The following SLC41A3 variants were observed in gnomAD, a reference collection of about 807,000 sequenced individuals.
The protein encoded by SLC41A3 is SLC41A1-like 2.
A neutral mutation model predicts 45.4 loss-of-function variants in SLC41A3; 44 were observed. The observed-to-expected ratio is 0.97, with a 90% confidence interval of 0.76 to 1.25. SLC41A3 has a LOEUF of 1.25. Ranked by LOEUF, SLC41A3 falls within the 50% of genes most tolerant of loss-of-function variation. The probability of loss-of-function intolerance (pLI) is 0.00; values close to 1 mark genes in which losing one functional copy is unlikely to be tolerated. For synonymous variants in SLC41A3, 256 were observed against 252.4 expected (o/e 1.01, Z -0.13); for missense variants, 550 against 600.6 (o/e 0.92, Z 0.88).
Position 126,015,536 on chromosome 3 carries a change from G to T in SLC41A3, c.928C>A (p.Gln310Lys), listed in dbSNP as rs1262796573. ...AATATCGCCATGCCTTTGTACTGCT[G>T]TTTAGAAACGGTTTTGCTCAAGATG... Reference protein sequence around the residue: ...GLILSKTVSKQQYKGMAIFTP... With the variant: ...GLILSKTVSKKQYKGMAIFTP... The change falls in exon 8 of 11, where the codon CAG (glutamine) becomes AAG (lysine). Residue 310 changes from glutamine (Q) to lysine (K), a missense_variant. Coordinates refer to ENST00000360370, the MANE Select transcript of SLC41A3 (RefSeq NM_017836.4). 1 of 1,614,122 alleles carries T rather than the reference G, an allele frequency of 6.2e-7. No homozygotes were observed. Among genetic ancestry groups the T allele is most frequent in the Non-Finnish European group, 8.5e-7 (1 of 1,180,052 alleles).
intron 1 of SLC41A3, among the ~76,000 whole-genome samples, chr3:126,069,161 T>C (rs1279438812): frequency 6.6e-6 from 1 of 151,300 alleles, no homozygotes. Flanking sequence ...CACCAATGGA[T>C]AGTGCCACAC....
intron 3 of SLC41A3, among the ~76,000 whole-genome samples, chr3:126,037,266 T>TC (rs1942266902): frequency 1.3e-5 from 2 of 152,158 alleles, no homozygotes; most frequent in Non-Finnish European, 2.9e-5. Flanking sequence ...TCCTGAGGCC[T>TC]CCCCAGAAGC....
chr3:126,017,765 A>C (rs1282339556), intron 6 of SLC41A3, among the ~76,000 whole-genome samples: 1 of 152,182 alleles, frequency 6.6e-6, no homozygotes, highest in East Asian at 1.9e-4. Flanking sequence ...GGGTGTTATC[A>C]GGAACATCCG....
At chr3:126,008,514 C>T (rs546282482) in intron 10 of SLC41A3, among the ~76,000 whole-genome samples, 21 of 150,698 alleles carry the variant, frequency 1.4e-4, no homozygotes, top group Admixed American at 4.6e-4. Context: ...GTGTGGGATG[C>T]GCTGTGTGGT....
At chr3:126,046,254 C>A (rs1473463223) in intron 3 of SLC41A3, among the ~76,000 whole-genome samples, 3 of 151,506 alleles carry the variant, frequency 2.0e-5, no homozygotes, top group African/African-American at 7.3e-5. Context: ...AGAAATTAGG[C>A]AAGAAATAAA....
At position 126,022,819 on chromosome 3, in the gene SLC41A3, C is replaced by G. The variant is rs777061314; in HGVS notation, c.712G>C (p.Ala238Pro). ...LGDLITLSIL[A>P]LVSSFFYRHK... ...CTGTAGAAGAAGCTGCTAACCAAAG[C>G]CAGAATGGACAGTGTGATGAGGTCT... The change falls in exon 6 of 11, where the codon GCT (alanine) becomes CCT (proline). Residue 238 changes from alanine (A) to proline (P), a missense_variant. Ala to Pro is a conservative substitution (Grantham distance 27, BLOSUM62 -1). Coordinates refer to ENST00000360370, the MANE Select transcript of SLC41A3 (RefSeq NM_017836.4). The G allele has an allele frequency of 1.2e-6, 2 of 1,614,212 alleles. No individual in the cohort carries two copies. The highest frequency in any genetic ancestry group is 1.7e-5 in the Admixed American group (1 of 60,028).
intron 3 of SLC41A3, among the ~76,000 whole-genome samples, chr3:126,049,659 C>A (rs1272371605): frequency 6.6e-5 from 10 of 152,224 alleles, no homozygotes; most frequent in Non-Finnish European, 1.0e-4. Flanking sequence ...ATGTTACCAG[C>A]TGCTCAGACA....
chr3:126,053,402 T>C (rs1943465801), intron 2 of SLC41A3, among the ~76,000 whole-genome samples: 1 of 152,178 alleles, frequency 6.6e-6, no homozygotes, highest in Admixed American at 6.5e-5. Context: ...TCAGTTTCTA[T>C]TGTTTAAGCT....
chr3:126,025,259 G>GC (rs1941241589), intron 5 of SLC41A3: 1 of 152,192 alleles, frequency 6.6e-6, no homozygotes, highest in African/African-American at 2.4e-5. Flanking sequence ...ACATGTGCGA[G>GC]CCCCAAGGAA....
chr3:126,071,453 G>T (rs958025167), intron 1 of SLC41A3, among the ~76,000 whole-genome samples: 1 of 152,168 alleles, frequency 6.6e-6, no homozygotes, highest in Non-Finnish European at 1.5e-5. Context: ...AATAATAATA[G>T]TTGGACATAC....
intron 1 of SLC41A3, among the ~76,000 whole-genome samples, chr3:126,101,096 C>T (rs972980982): frequency 3.3e-5 from 5 of 152,228 alleles, no homozygotes; most frequent in African/African-American, 9.6e-5. Flanking sequence ...ACCCCTCCTT[C>T]CCCCGGGTCC....
chr3:126,075,618 T>G (rs913837105), intron 1 of SLC41A3, among the ~76,000 whole-genome samples: 1 of 152,210 alleles, frequency 6.6e-6, no homozygotes, highest in Non-Finnish European at 1.5e-5. Context: ...AACTTGGTAT[T>G]GGCAAAGAAT....
chr3:126,034,833 C>G lies in SLC41A3; in HGVS notation c.382-1155G>C, dbSNP rs1942066840. Among the ~76,000 whole-genome samples, 4 of 152,350 alleles carry G rather than the reference C, an allele frequency of 2.6e-5. No individual in the cohort carries two copies. The South Asian group carries it at 8.3e-4, about 32-fold the overall frequency. ...GGACTTGTGCTGGCCCATATGATTTCTGAGTATGAGTCGGAAAAGACACTC... is the reference window on the plus strand; with the variant it reads ...GGACTTGTGCTGGCCCATATGATTTGTGAGTATGAGTCGGAAAAGACACTC... On this transcript the variant is annotated intron_variant, in intron 3 of 10. Coordinates refer to ENST00000360370, the MANE Select transcript of SLC41A3 (RefSeq NM_017836.4).
chr3:126,006,832 A>G lies in SLC41A3; in HGVS notation c.*184T>C. On this transcript the variant is annotated 3_prime_UTR_variant, in exon 11 of 11. Coordinates refer to ENST00000360370, the MANE Select transcript of SLC41A3 (RefSeq NM_017836.4). ...GCCATGCTCTTGATTTCAGGGCTCTATTGCAGGCTCAGGTATCAACCCCAG... is the reference window on the plus strand; with the variant it reads ...GCCATGCTCTTGATTTCAGGGCTCTGTTGCAGGCTCAGGTATCAACCCCAG... 16 of 1,454,748 alleles carry G rather than the reference A, an allele frequency of 1.1e-5. No homozygotes were observed. The highest frequency in any genetic ancestry group is 1.4e-5 in the Non-Finnish European group (16 of 1,110,232). 90.1% of individuals were successfully genotyped at this position (1,454,748 alleles called of 1,614,324 possible). A position where few individuals can be genotyped will look rare whatever the true frequency, so the allele number is the denominator to read the frequency against.
intron 3 of SLC41A3, among the ~76,000 whole-genome samples, chr3:126,042,196 C>T (rs751375053): frequency 4.6e-5 from 7 of 151,986 alleles, no homozygotes; most frequent in Non-Finnish European, 1.0e-4. Flanking sequence ...AAATGTAGGC[C>T]CATGCGTGCC....
chr3:126,056,897 C>G, intron 2 of SLC41A3: 7 of 1,131,180 alleles, frequency 6.2e-6, no homozygotes, highest in Non-Finnish European at 7.6e-6. Flanking sequence ...CATGGTCCCT[C>G]TGCACCGGCC....
intron 2 of SLC41A3, among the ~76,000 whole-genome samples, chr3:126,053,274 C>T (rs1337265646): frequency 6.6e-6 from 1 of 152,166 alleles, no homozygotes; most frequent in Non-Finnish European, 1.5e-5. Flanking sequence ...GAAATTAGGA[C>T]CTAGACATGC....
At chr3:126,075,925 AAC>A (rs1944860975) in intron 1 of SLC41A3, among the ~76,000 whole-genome samples, 1 of 152,242 alleles carries the variant, frequency 6.6e-6, no homozygotes, top group Non-Finnish European at 1.5e-5. Flanking sequence ...TGGATTAGGC[AAC>A]AGTTTCTTAG....
intron 2 of SLC41A3, among the ~76,000 whole-genome samples, chr3:126,062,103 A>T (rs956493463): frequency 1.3e-5 from 2 of 152,198 alleles, no homozygotes; most frequent in African/African-American, 4.8e-5. Context: ...ATTATGTGAG[A>T]CTTAAACAGG....
Sources: allele counts gnomAD v4.1 joint callset (sites outside exome capture counted in the v4.1 genomes callset), GRCh38; gene constraint gnomAD v4.1.1; transcripts MANE v1.5; gene names NCBI Gene and HGNC (gene_info 2026-07-23, HGNC 2026-07-21).